The following SLIT3 variants were observed in gnomAD, a reference collection of about 807,000 sequenced individuals.
SLIT3 encodes the protein slit guidance ligand 3.
A neutral mutation model predicts 184.0 loss-of-function variants in SLIT3; 68 were observed. That is an observed-to-expected ratio of 0.37 (90% CI 0.30 to 0.45). The LOEUF is 0.45. Ranked by LOEUF, SLIT3 falls within the 20% of genes least tolerant of loss-of-function variation. SLIT3 has a pLI of 1.00. For synonymous variants in SLIT3, 831 were observed against 828.6 expected (o/e 1.00, Z -0.05); for missense variants, 1,707 against 2,026.0 (o/e 0.84, Z 3.02).
chr5:168,825,805 C>T (rs1757684182), intron 6 of SLIT3, among the ~76,000 whole-genome samples: 1 of 152,216 alleles, frequency 6.6e-6, no homozygotes, highest in African/African-American at 2.4e-5. Flanking sequence ...AGGGAGCTTC[C>T]TGGGGGTGAG....
At chr5:168,707,812 T>C (rs1211268988) in intron 26 of SLIT3, 164 bp downstream of exon 26, 2 of 744,666 alleles carry the variant, frequency 2.7e-6, no homozygotes, top group African/African-American at 1.8e-5. Context: ...CAGAGAACAG[T>C]GTTACTGGCA....
intron 4 of SLIT3, among the ~76,000 whole-genome samples, chr5:168,951,295 C>T (rs1241421858): frequency 6.6e-6 from 1 of 152,158 alleles, no homozygotes; most frequent in Non-Finnish European, 1.5e-5. Context: ...ATTCAGCATA[C>T]AGCACATCTA....
At chr5:168,692,106 C>T (rs1050943059) in intron 29 of SLIT3, among the ~76,000 whole-genome samples, 2 of 152,222 alleles carry the variant, frequency 1.3e-5, no homozygotes, top group African/African-American at 4.8e-5. Context: ...GCTGCTGGAC[C>T]ACAGTGCTCC....
chr5:168,854,350 G>A (rs1330680066), intron 5 of SLIT3, among the ~76,000 whole-genome samples: 2 of 124,546 alleles, frequency 1.6e-5, no homozygotes, highest in Non-Finnish European at 3.3e-5. Context: ...TGGTGTTGAG[G>A]GTGGGGGGTG....
At chr5:169,243,098 C>T (rs548938141) in intron 3 of SLIT3, among the ~76,000 whole-genome samples, 1 of 152,130 alleles carries the variant, frequency 6.6e-6, no homozygotes, top group South Asian at 2.1e-4. Flanking sequence ...GGTAATTACA[C>T]CTCATAGGAA....
chr5:169,013,830 G>A (rs1756257770), intron 4 of SLIT3, among the ~76,000 whole-genome samples: 1 of 152,090 alleles, frequency 6.6e-6, no homozygotes, highest in African/African-American at 2.4e-5. Context: ...TCCTCACATT[G>A]TCGTATTTTC....
chr5:168,702,356 A>G (rs1762242260), intron 26 of SLIT3, among the ~76,000 whole-genome samples: 1 of 152,234 alleles, frequency 6.6e-6, no homozygotes, highest in Non-Finnish European at 1.5e-5. Flanking sequence ...AAGTGAGGTA[A>G]TATGGCCAAG....
chr5:168,970,991 T>G (rs181885645), intron 4 of SLIT3, among the ~76,000 whole-genome samples: 1 of 152,360 alleles, frequency 6.6e-6, no homozygotes, highest in African/African-American at 2.4e-5. Flanking sequence ...ACCCATCTTC[T>G]TTATCCATCT....
chr5:168,725,832 G>C (rs531933374), intron 20 of SLIT3, among the ~76,000 whole-genome samples: 20 of 152,214 alleles, frequency 1.3e-4, no homozygotes, highest in Non-Finnish European at 2.5e-4. Flanking sequence ...AAATGGGATA[G>C]AAATGGGTTA....
At chr5:168,743,368 A>C (rs1763699123) in intron 20 of SLIT3, among the ~76,000 whole-genome samples, 1 of 152,104 alleles carries the variant, frequency 6.6e-6, no homozygotes, top group African/African-American at 2.4e-5. Flanking sequence ...AATATTTAAA[A>C]CTTTTTCATT....
chr5:168,877,872 AC>A (rs1304497223), intron 5 of SLIT3, among the ~76,000 whole-genome samples: 1 of 151,668 alleles, frequency 6.6e-6, no homozygotes, highest in Non-Finnish European at 1.5e-5. Flanking sequence ...TTAAAAAAAA[AC>A]AATCCCTACT....
intron 1 of SLIT3, among the ~76,000 whole-genome samples, chr5:169,285,795 G>A (rs1362992151): frequency 6.6e-6 from 1 of 152,168 alleles, no homozygotes; most frequent in Non-Finnish European, 1.5e-5. Context: ...CCCAGCCTAG[G>A]TGCCAGACAT....
At chr5:168,728,655 T>C (rs1763208235) in intron 20 of SLIT3, among the ~76,000 whole-genome samples, 1 of 152,026 alleles carries the variant, frequency 6.6e-6, no homozygotes, top group African/African-American at 2.4e-5. Context: ...GTGCAGTGGC[T>C]CAGGCCTGTA....
Position 168,845,179 on chromosome 5 carries a change from G to A in SLIT3, c.486-524C>T, listed in dbSNP as rs749540334. Among the ~76,000 whole-genome samples, 34 of 152,060 alleles carry A rather than the reference G, an allele frequency of 2.2e-4. 1 individual carries two copies. Among genetic ancestry groups the A allele is most frequent in the Middle Eastern group, 6.8e-3 (2 of 294 alleles). On this transcript the variant is annotated intron_variant, in intron 5 of 35. Coordinates refer to ENST00000519560, the MANE Select transcript of SLIT3 (RefSeq NM_003062.4). ...ACCCAAGAGCGGCAAGGGTGCATGG[G>A]GAATATACCAATTCCAAATTAGACT...
chr5:168,859,353 G>A (rs1228967264), intron 5 of SLIT3, among the ~76,000 whole-genome samples: 1 of 151,506 alleles, frequency 6.6e-6, no homozygotes, highest in Non-Finnish European at 1.5e-5. Flanking sequence ...GGTTCACGAT[G>A]GTTATGAAGC....
intron 4 of SLIT3, among the ~76,000 whole-genome samples, chr5:168,925,346 G>C (rs1581216482): frequency 6.6e-6 from 1 of 152,168 alleles, no homozygotes; most frequent in African/African-American, 2.4e-5. Flanking sequence ...AGCCACCCCA[G>C]CTGCCAGATC....
At chr5:168,931,824 TG>T (rs1374453886) in intron 4 of SLIT3, among the ~76,000 whole-genome samples, 1 of 152,210 alleles carries the variant, frequency 6.6e-6, no homozygotes, top group African/African-American at 2.4e-5. Flanking sequence ...TATTCTGTCC[TG>T]AGTTGACTCC....
intron 32 of SLIT3, among the ~76,000 whole-genome samples, chr5:168,676,820 T>A (rs998600648): frequency 1.3e-5 from 2 of 152,186 alleles, no homozygotes; most frequent in Non-Finnish European, 2.9e-5. Flanking sequence ...TCAGGGCAGC[T>A]GTTTTCCCAT....
Position 168,967,622 on chromosome 5 carries a change from A to G in SLIT3, c.414-84286T>C, listed in dbSNP as rs1285776047. On this transcript the variant is annotated intron_variant, in intron 4 of 35. Coordinates refer to ENST00000519560, the MANE Select transcript of SLIT3 (RefSeq NM_003062.4). ...GCCCGGCTAATCTTTTTGTATTTTT[A>G]GTAGAGACGGGGTTTCACCGTTTTA... Among the ~76,000 whole-genome samples the G allele has an allele frequency of 2.8e-5, 4 of 142,032 alleles. 1 individual carries two copies. In the East Asian group the frequency reaches 8.2e-4, roughly 29 times the overall value. 93.2% of individuals were successfully genotyped at this position (142,032 alleles called of 152,430 possible).
Sources: allele counts gnomAD v4.1 joint callset (sites outside exome capture counted in the v4.1 genomes callset), GRCh38; gene constraint gnomAD v4.1.1; transcripts MANE v1.5; gene names NCBI Gene and HGNC (gene_info 2026-07-23, HGNC 2026-07-21).